PTPN14: variants seen among roughly 807,000 people sequenced by gnomAD.
PTPN14 encodes the protein protein tyrosine phosphatase non-receptor type 14.
Under a neutral mutation model 126.8 loss-of-function variants are expected in PTPN14, and 53 were observed. That is an observed-to-expected ratio of 0.42 (90% confidence interval 0.34 to 0.53). The LOEUF (loss-of-function observed/expected upper bound fraction) is 0.53. PTPN14 is among the 20% of genes least tolerant of loss of function. PTPN14 has a pLI of 0.08. For synonymous variants in PTPN14, 630 were observed against 599.3 expected (o/e 1.05, Z -0.75); for missense variants, 1,257 against 1,552.9 (o/e 0.81, Z 3.20).
At chr1:214,515,163 C>T (rs1030344370) in intron 1 of PTPN14, among the ~76,000 whole-genome samples, 1 of 152,062 alleles carries the variant, frequency 6.6e-6, no homozygotes, top group African/African-American at 2.4e-5. Context: ...GAAATCCCTC[C>T]GTAAGTAGAA....
chr1:214,401,858 G>T, intron 6 of PTPN14, 86 bp from the exon 7 acceptor site: 2 of 1,095,470 alleles, frequency 1.8e-6, no homozygotes, highest in Non-Finnish European at 1.4e-6. Context: ...TTCCAGAGCT[G>T]TGGTTTAGCT....
intron 7 of PTPN14, among the ~76,000 whole-genome samples, chr1:214,398,437 T>C (rs954933200): frequency 3.3e-5 from 5 of 152,094 alleles, no homozygotes; most frequent in South Asian, 2.1e-4. Flanking sequence ...AGTAACAATA[T>C]ATTGGTGTTT....
chr1:214,384,003 G>T lies in PTPN14; in HGVS notation c.1852C>A (p.His618Asn). Residue 618 changes from histidine (H) to asparagine (N), a missense_variant, in exon 13 of 19, where the codon CAT (histidine) becomes AAT (asparagine). His to Asn is a moderately conservative substitution (Grantham distance 68). Transcript: ENST00000366956. The surrounding 1 kb of genome is among the most constrained non-coding windows in gnomAD (Gnocchi z 5.3). ...TCGCTCACCTCCTGGAGAGACTGAT[G>T]AACCACCGGAGAGCTGTCCTCTTGG... ...TFQEDSSPVV[H>N]QSLQEVSEPL... The T allele has an allele frequency of 6.2e-7, 1 of 1,607,878 alleles. No homozygotes were observed. Among genetic ancestry groups the T allele is most frequent in the Non-Finnish European group, 8.5e-7 (1 of 1,179,496 alleles).
intron 2 of PTPN14, among the ~76,000 whole-genome samples, chr1:214,463,554 G>A (rs983549049): frequency 6.6e-6 from 1 of 152,204 alleles, no homozygotes; most frequent in Non-Finnish European, 1.5e-5. Context: ...CAGCCAGCCT[G>A]TGGAAGACGT....
chr1:214,459,168 A>T (rs1458040361), intron 2 of PTPN14, among the ~76,000 whole-genome samples: 2 of 122,170 alleles, frequency 1.6e-5, no homozygotes, highest in African/African-American at 3.2e-5. Flanking sequence ...TTTTTTTGAG[A>T]CAGAGTCTCA....
At chr1:214,483,959 G>C (rs1335896294) in intron 1 of PTPN14, among the ~76,000 whole-genome samples, 1 of 152,204 alleles carries the variant, frequency 6.6e-6, no homozygotes, top group African/African-American at 2.4e-5. Flanking sequence ...ACCAGAGAAA[G>C]ACCCTTTCAT....
chr1:214,497,488 A>G (rs1354623689), intron 1 of PTPN14, among the ~76,000 whole-genome samples: 1 of 152,228 alleles, frequency 6.6e-6, no homozygotes, highest in Non-Finnish European at 1.5e-5. Flanking sequence ...AAGTGTGTAT[A>G]GCATTTAGCC....
intron 3 of PTPN14, among the ~76,000 whole-genome samples, chr1:214,433,808 G>T (rs1659845492): frequency 6.6e-6 from 1 of 151,966 alleles, no homozygotes; most frequent in African/African-American, 2.4e-5. Context: ...TACTTCTAGA[G>T]CTGGGCGTGG....
intron 13 of PTPN14, among the ~76,000 whole-genome samples, chr1:214,381,402 A>G (rs72757965): frequency 0.21 from 31,624 of 152,146 alleles, 3,761 homozygotes; most frequent in Non-Finnish European, 0.27. Flanking sequence ...ATGCTGGGAA[A>G]GCTCTCTCCC....
intron 3 of PTPN14, among the ~76,000 whole-genome samples, chr1:214,438,347 C>A (rs933108203): frequency 6.6e-6 from 1 of 152,126 alleles, no homozygotes; most frequent in Non-Finnish European, 1.5e-5. Flanking sequence ...CACCAGGCCG[C>A]GTCCTCTGCA....
intron 3 of PTPN14, among the ~76,000 whole-genome samples, chr1:214,436,309 G>A (rs538720784): frequency 8.5e-5 from 13 of 152,164 alleles, no homozygotes; most frequent in South Asian, 6.2e-4. Flanking sequence ...CTTATTGCCC[G>A]GGTGATGAAA....
intron 3 of PTPN14, among the ~76,000 whole-genome samples, chr1:214,445,247 G>A (rs1308469800): frequency 6.6e-6 from 1 of 152,194 alleles, no homozygotes; most frequent in Non-Finnish European, 1.5e-5. Flanking sequence ...GCATCCACCA[G>A]ATAGAGGGTA....
At chr1:214,446,614 C>T (rs961654299) in intron 3 of PTPN14, among the ~76,000 whole-genome samples, 2 of 152,116 alleles carry the variant, frequency 1.3e-5, no homozygotes, top group African/African-American at 4.8e-5. Flanking sequence ...GAATACACTA[C>T]TGACCTAAAA....
At chr1:214,377,335 A>T (rs1658366356) in intron 14 of PTPN14, among the ~76,000 whole-genome samples, 2 of 152,278 alleles carry the variant, frequency 1.3e-5, no homozygotes, top group Admixed American at 1.3e-4. Flanking sequence ...AGAATTTATG[A>T]ACACAAAGAA....
intron 14 of PTPN14, among the ~76,000 whole-genome samples, chr1:214,377,165 G>A (rs1405035427): frequency 1.3e-5 from 2 of 152,266 alleles, no homozygotes; most frequent in African/African-American, 2.4e-5. Context: ...TCATACGAGG[G>A]GACAGCATTT....
At chr1:214,494,898 G>A (rs890356153) in intron 1 of PTPN14, among the ~76,000 whole-genome samples, 1 of 152,140 alleles carries the variant, frequency 6.6e-6, no homozygotes, top group Non-Finnish European at 1.5e-5. Context: ...TGAACCTGAG[G>A]GAAGGAGATG....
chr1:214,441,811 C>T (rs1467973953), intron 3 of PTPN14, among the ~76,000 whole-genome samples: 12 of 152,296 alleles, frequency 7.9e-5, no homozygotes, highest in African/African-American at 2.2e-4. Context: ...GTGGCATCAT[C>T]GTATTCTACT....
chr1:214,459,472 C>CTTT (rs1553268612), intron 2 of PTPN14, among the ~76,000 whole-genome samples: 8 of 108,658 alleles, frequency 7.4e-5, no homozygotes, highest in African/African-American at 2.3e-4. Flanking sequence ...TCTTTTCTTT[C>CTTT]TTTTTTTTTT....
At chr1:214,371,885 A>G (rs1278361300) in intron 16 of PTPN14, among the ~76,000 whole-genome samples, 2 of 152,108 alleles carry the variant, frequency 1.3e-5, no homozygotes, top group African/African-American at 4.8e-5. Context: ...TTCCTCCCCA[A>G]TTTTCTTTGT....
Sources: gnomAD v4.1 joint callset for allele counts (sites outside exome capture counted in the v4.1 genomes callset) on GRCh38, gnomAD v4.1.1 for gene constraint, Gnocchi (gnomAD v3.1) non-coding constraint, MANE v1.5 for transcripts, NCBI Gene and HGNC (gene_info 2026-07-23, HGNC 2026-07-21) for gene names.